Variants in RARB observed in about 807,000 individuals in gnomAD.
RARB encodes HBV-activated protein.
In RARB, 17 loss-of-function variants were observed where a neutral mutation model predicts 51.9. The observed-to-expected ratio is 0.33, with a 90% CI of 0.22 to 0.49. RARB has a LOEUF of 0.49. RARB is among the 20% of genes least tolerant of loss of function. The pLI is 0.99. For missense variants in RARB, 369 were observed against 550.8 expected, an observed-to-expected ratio of 0.67 and a Z score of 3.30; for synonymous variants, 215 against 195.4, an observed-to-expected ratio of 1.10 and a Z score of -0.84.
chr3:25,441,663 T>C (rs1436451053), intron 1 of RARB, among the ~76,000 whole-genome samples: 2 of 152,214 alleles, frequency 1.3e-5, no homozygotes, highest in African/African-American at 4.8e-5. Flanking sequence ...TTTTTTTTAA[T>C]GCAGAAAAGT....
chr3:25,287,915 C>T (rs975989158), intron 5 of RARB, among the ~76,000 whole-genome samples: 5 of 151,850 alleles, frequency 3.3e-5, no homozygotes, highest in African/African-American at 1.2e-4. Context: ...TTCAGACGCT[C>T]TATGTAAGAT....
At chr3:24,870,627 T>G (rs1702928214) in intron 2 of RARB, among the ~76,000 whole-genome samples, 1 of 152,158 alleles carries the variant, frequency 6.6e-6, no homozygotes, top group African/African-American at 2.4e-5. Context: ...TGTAGCATTT[T>G]GGGGATCATA....
intron 1 of RARB, among the ~76,000 whole-genome samples, chr3:25,450,773 A>T (rs1237250992): frequency 3.3e-5 from 5 of 152,014 alleles, no homozygotes; most frequent in African/African-American, 1.2e-4. Context: ...CCCGTGAGAG[A>T]CAAAATGGTG....
At chr3:24,864,679 A>C (rs59084109) in intron 2 of RARB, among the ~76,000 whole-genome samples, 4 of 151,806 alleles carry the variant, frequency 2.6e-5, no homozygotes, top group Non-Finnish European at 5.9e-5. Context: ...AATGTTTTGT[A>C]AGTGATTTTT....
At chr3:25,551,607 G>A (rs1699854641) in intron 3 of RARB, among the ~76,000 whole-genome samples, 1 of 152,206 alleles carries the variant, frequency 6.6e-6, no homozygotes, top group Non-Finnish European at 1.5e-5. Context: ...TGGGCAATGG[G>A]ATGGTCACAT....
At chr3:25,276,494 G>C (rs770410722) in intron 5 of RARB, among the ~76,000 whole-genome samples, 1 of 152,144 alleles carries the variant, frequency 6.6e-6, no homozygotes, top group Non-Finnish European at 1.5e-5. Context: ...CCAAAATGAA[G>C]CAAAATATAA....
intron 2 of RARB, among the ~76,000 whole-genome samples, chr3:24,924,037 A>G (rs1049674953): frequency 2.0e-5 from 3 of 152,202 alleles, no homozygotes; most frequent in Non-Finnish European, 2.9e-5. Flanking sequence ...CAATTTAGTG[A>G]CCCAGCCAGG....
chr3:25,308,904 C>T (rs1006056287), intron 5 of RARB, among the ~76,000 whole-genome samples: 10 of 152,122 alleles, frequency 6.6e-5, no homozygotes, highest in African/African-American at 2.4e-4. Flanking sequence ...GTGGTTCTAC[C>T]AATGTGGAGT....
At chr3:25,070,164 C>T (rs750079127) in intron 3 of RARB, among the ~76,000 whole-genome samples, 3 of 152,172 alleles carry the variant, frequency 2.0e-5, no homozygotes, top group African/African-American at 2.4e-5. Flanking sequence ...CAGCGCATGG[C>T]GTTCTCCCTG....
intron 5 of RARB, among the ~76,000 whole-genome samples, chr3:25,393,963 G>T (rs1433386969): frequency 1.3e-5 from 2 of 151,762 alleles, no homozygotes; most frequent in Admixed American, 1.3e-4. Context: ...GTTTGGTTTT[G>T]GTTTGTTCTT....
At chr3:25,156,063 T>A (rs1330189475) in intron 4 of RARB, among the ~76,000 whole-genome samples, 2 of 152,196 alleles carry the variant, frequency 1.3e-5, no homozygotes, top group Non-Finnish European at 2.9e-5. Context: ...GTATCACCAT[T>A]TGTGAGAGTG....
At chr3:25,448,407 A>G (rs1451422716) in intron 1 of RARB, among the ~76,000 whole-genome samples, 1 of 152,214 alleles carries the variant, frequency 6.6e-6, no homozygotes, top group Non-Finnish European at 1.5e-5. Flanking sequence ...GAAAAAAAAT[A>G]ACCAACAATG....
chr3:25,017,413 T>G (rs1394059667), intron 2 of RARB, among the ~76,000 whole-genome samples: 2 of 152,148 alleles, frequency 1.3e-5, no homozygotes, highest in African/African-American at 2.4e-5. Flanking sequence ...TTTTCCCATT[T>G]TGATGAATCT....
At chr3:25,046,724 G>C (rs1294101176) in intron 2 of RARB, among the ~76,000 whole-genome samples, 1 of 152,034 alleles carries the variant, frequency 6.6e-6, no homozygotes, top group Non-Finnish European at 1.5e-5. Flanking sequence ...CAAAATGCTG[G>C]CATTACAGGC....
intron 5 of RARB, among the ~76,000 whole-genome samples, chr3:25,333,851 T>C (rs1395634571): frequency 6.6e-6 from 1 of 152,022 alleles, no homozygotes; most frequent in East Asian, 1.9e-4. Flanking sequence ...AACAACCCCA[T>C]CACAAAGTGG....
chr3:25,378,359 C>A (rs1254449474), intron 5 of RARB, among the ~76,000 whole-genome samples: 3 of 152,162 alleles, frequency 2.0e-5, no homozygotes, highest in African/African-American at 7.2e-5. Flanking sequence ...TGGCGTGATG[C>A]CTCTGCCTCT....
intron 5 of RARB, among the ~76,000 whole-genome samples, chr3:25,175,921 A>G (rs1446150846): frequency 6.6e-6 from 1 of 152,222 alleles, no homozygotes; most frequent in Non-Finnish European, 1.5e-5. Flanking sequence ...TACTCAAAAT[A>G]TCTTGCTGAC....
At chr3:25,161,103 C>A (rs1017494462) in intron 4 of RARB, among the ~76,000 whole-genome samples, 3 of 152,016 alleles carry the variant, frequency 2.0e-5, no homozygotes, top group Admixed American at 6.6e-5. Flanking sequence ...ACCTCTGTTT[C>A]CTGGGTTCAA....
intron 4 of RARB, among the ~76,000 whole-genome samples, chr3:25,168,295 G>A (rs1027421525): frequency 1.4e-4 from 21 of 151,958 alleles, no homozygotes; most frequent in South Asian, 1.0e-3. Context: ...ATTTTGGCTC[G>A]CTGCAACCTC....
Sources: allele counts gnomAD v4.1 joint callset (sites outside exome capture counted in the v4.1 genomes callset), GRCh38; gene constraint gnomAD v4.1.1; transcripts MANE v1.5; gene names NCBI Gene and HGNC (gene_info 2026-07-23, HGNC 2026-07-21).